Variants in WASHC2C observed in about 807,000 individuals in gnomAD.
WASHC2C encodes Vaccinia Penetration Factor.
A neutral mutation model predicts 142.2 loss-of-function variants in WASHC2C; 73 were observed. The observed-to-expected ratio is 0.51, with a 90% CI of 0.43 to 0.62. The LOEUF (loss-of-function observed/expected upper bound fraction) is 0.62. Ranked by LOEUF, WASHC2C falls within the 20% of genes least tolerant of loss-of-function variation. The pLI is 0.00. For missense variants in WASHC2C, 969 were observed against 1,531.7 expected, an observed-to-expected ratio of 0.63 and a Z score of 6.13; for synonymous variants, 337 against 565.5, an observed-to-expected ratio of 0.60 and a Z score of 5.73.
chr10:45,737,796 G>A (rs1278954216), intron 3 of WASHC2C, among the ~76,000 whole-genome samples, 187 bp from the exon 4 acceptor site: 1 of 137,662 alleles, frequency 7.3e-6, no homozygotes, highest in African/African-American at 2.7e-5. Context: ...TTTGGTGAAT[G>A]GACTATTCTT....
intron 22 of WASHC2C, 42 bp downstream of exon 22, chr10:45,777,467 G>A (rs376457026): frequency 2.5e-4 from 397 of 1,612,548 alleles, no homozygotes; most frequent in East Asian, 1.5e-3. Context: ...TTTGTCTCTC[G>A]TATGTTGTTT....
intron 28 of WASHC2C, among the ~76,000 whole-genome samples, chr10:45,788,538 G>A (rs1238767365): frequency 2.0e-5 from 3 of 151,636 alleles, no homozygotes; most frequent in African/African-American, 4.8e-5. Context: ...CAAGGGAGGG[G>A]TTGTGAGACA....
At chr10:45,733,885 C>T (rs2050897008) in intron 3 of WASHC2C, among the ~76,000 whole-genome samples, 1 of 152,118 alleles carries the variant, frequency 6.6e-6, no homozygotes, top group Non-Finnish European at 1.5e-5. Flanking sequence ...CAACGTTTAG[C>T]ACATATATTC....
chr10:45,785,603 A>G lies in WASHC2C; in HGVS notation c.2783A>G (p.Lys928Arg), dbSNP rs1554889743. 24 of 1,613,960 alleles carry G rather than the reference A, an allele frequency of 1.5e-5. No individual in the cohort carries two copies. In the South Asian group the frequency reaches 2.0e-4, roughly 13 times the overall value. ...GAATCCATTCAAGGTAGTAAAGAAA[A>G]AGGCATATGGAAGCCGGAAACACCT... ...HPESIQGSKE[K>R]GIWKPETPQD... The change falls in exon 26 of 31, where the codon AAA becomes AGA. Residue 928 changes from lysine (K) to arginine (R), a missense_variant. Transcript: ENST00000623400.
intron 13 of WASHC2C, among the ~76,000 whole-genome samples, chr10:45,753,568 A>G (rs1273104233): frequency 8.5e-5 from 12 of 141,328 alleles, no homozygotes; most frequent in Admixed American, 3.5e-4. Flanking sequence ...CATTCTGTAT[A>G]TAAGTTGGAG....
chr10:45,769,590 G>A lies in WASHC2C; in HGVS notation c.2011G>A (p.Asp671Asn), dbSNP rs1554883842. Residue 671 changes from aspartate (D) to asparagine (N), a missense_variant, in exon 20 of 31, where the codon GAT (aspartate) becomes AAT (asparagine). Physicochemically the swap from Asp to Asn is conservative, Grantham distance 23. Transcript: ENST00000623400. Reference sequence around the variant, plus strand: ...CAGTCTCTTTGAGGAAGACAAAGAAGATGATCTTTTTGCCATTGCCAAGGA... The same window carrying A: ...CAGTCTCTTTGAGGAAGACAAAGAAAATGATCTTTTTGCCATTGCCAAGGA... ...KTSLFEEDKE[D>N]DLFAIAKDSQ... 6.2e-7 allele frequency: 1 copy of A among 1,611,944 alleles called. No individual in the cohort carries two copies. Among genetic ancestry groups the A allele is most frequent in the East Asian group, 2.2e-5 (1 of 44,858 alleles).
intron 4 of WASHC2C, among the ~76,000 whole-genome samples, chr10:45,738,876 T>C (rs2134224481): frequency 6.6e-6 from 1 of 152,246 alleles, no homozygotes; most frequent in Non-Finnish European, 1.5e-5. Context: ...GGCTAATTTT[T>C]TTGTATTTAT....
At chr10:45,744,345 A>G (rs1250565198) in intron 6 of WASHC2C, among the ~76,000 whole-genome samples, 1 of 147,630 alleles carries the variant, frequency 6.8e-6, no homozygotes, top group Non-Finnish European at 1.5e-5. Flanking sequence ...TTGTATAATC[A>G]CAGTAGAATT....
At chr10:45,769,864 T>C (rs1348102792) in intron 20 of WASHC2C, among the ~76,000 whole-genome samples, 1 of 151,592 alleles carries the variant, frequency 6.6e-6, no homozygotes, top group African/African-American at 2.4e-5. Context: ...TTTTTCTTTG[T>C]TTGTCAGGGA....
At chr10:45,784,240 A>ATATG (rs1564818755) in intron 23 of WASHC2C, among the ~76,000 whole-genome samples, 2 of 109,856 alleles carry the variant, frequency 1.8e-5, no homozygotes. Flanking sequence ...ATATATATAT[A>ATATG]TGTGTGTGTG....
At chr10:45,780,848 G>A (rs557255618) in intron 23 of WASHC2C, among the ~76,000 whole-genome samples, 2 of 151,578 alleles carry the variant, frequency 1.3e-5, no homozygotes, top group African/African-American at 2.4e-5. Flanking sequence ...TTGCCTCCCG[G>A]GTTCAAGCGA....
intron 30 of WASHC2C, among the ~76,000 whole-genome samples, chr10:45,791,552 T>A (rs2058393608): frequency 6.8e-6 from 1 of 146,014 alleles, no homozygotes; most frequent in African/African-American, 2.5e-5. Flanking sequence ...AGAGATCTCC[T>A]TCCTTGTTTT....
rs1564747647 is a variant in WASHC2C at position 45,755,034 on chromosome 10, C to T, written c.1339C>T (p.Pro447Ser). ...TPRKSPYGPP[P>S]TGLFDDDDGD... ...AAGGAAAAGCCCCTATGGTCCCCCT[C>T]CCACTGGCCTCTTTGATGATGATGA... The change falls in exon 15 of 31, where the codon CCC becomes TCC. Residue 447 changes from proline (P) to serine (S), a missense_variant. By Grantham distance (74) the Pro-to-Ser change is moderately conservative. Transcript: ENST00000623400. 6.2e-7 allele frequency: 1 copy of T among 1,611,928 alleles called. No individual in the cohort carries two copies. Among genetic ancestry groups the T allele is most frequent in the Non-Finnish European group, 8.5e-7 (1 of 1,179,856 alleles).
intron 26 of WASHC2C, 77 bp from the exon 27 acceptor site, chr10:45,786,535 G>C: frequency 6.6e-7 from 1 of 1,505,256 alleles, no homozygotes; most frequent in Non-Finnish European, 9.2e-7. Flanking sequence ...CTCCATCACA[G>C]ATTTATTTAC....
Position 45,785,590 on chromosome 10 carries a change from G to T in WASHC2C, c.2770G>T (p.Gly924Cys), listed in dbSNP as rs1564824506. 4.3e-6 allele frequency: 7 copies of T among 1,613,874 alleles called. No homozygotes were observed. The highest frequency in any genetic ancestry group is 5.1e-6 in the Non-Finnish European group (6 of 1,179,848). The change falls in exon 26 of 31, where the codon GGT becomes TGT. Residue 924 changes from glycine (G) to cysteine (C), a missense_variant. Transcript: ENST00000623400. ...KNQKHPESIQ[G>C]SKEKGIWKPE... is the part of the protein sequence containing the mutation. ...CCAGAAACATCCTGAATCCATTCAA[G>T]GTAGTAAAGAAAAAGGCATATGGAA...
chr10:45,785,692 A>G, intron 26 of WASHC2C, 61 bp downstream of exon 26: 2 of 1,610,962 alleles, frequency 1.2e-6, no homozygotes, highest in South Asian at 1.1e-5. Flanking sequence ...GAGAAATTCC[A>G]TTATGCAGAC....
intron 8 of WASHC2C, among the ~76,000 whole-genome samples, chr10:45,748,997 T>C (rs2053199406): frequency 6.6e-6 from 1 of 152,218 alleles, no homozygotes; most frequent in Admixed American, 6.5e-5. Flanking sequence ...ATCCTGGATT[T>C]GTTATTCTGC....
At chr10:45,784,293 C>CATATATATATAT (rs1286811903) in intron 23 of WASHC2C, among the ~76,000 whole-genome samples, 69 of 63,620 alleles carry the variant, frequency 1.1e-3, no homozygotes, top group East Asian at 0.011. Flanking sequence ...TATATATACA[C>CATATATATATAT]ATATATATAT....
At position 45,727,433 on chromosome 10, in the gene WASHC2C, C is replaced by T; in HGVS notation, c.20C>T (p.Pro7Leu). 1 of 1,611,488 alleles carries T rather than the reference C, an allele frequency of 6.2e-7. No individual in the cohort carries two copies. Among genetic ancestry groups the T allele is most frequent in the Non-Finnish European group, 8.5e-7 (1 of 1,179,478 alleles). ...TCGCTGCAGATGAACCGGACGACCC[C>T]CGACCAGGAGCTGGTGCCGGCGTCG... Reference protein sequence around the residue: MMNRTTPDQELVPASEP... With the variant: MMNRTTLDQELVPASEP... The change falls in exon 2 of 31, where the codon CCC becomes CTC. Residue 7 changes from proline (P) to leucine (L), a missense_variant. Coordinates refer to ENST00000623400, the MANE Select transcript of WASHC2C (RefSeq NM_001330074.2).
Sources: gnomAD v4.1 joint callset for allele counts (sites outside exome capture counted in the v4.1 genomes callset) on GRCh38, gnomAD v4.1.1 for gene constraint, MANE v1.5 for transcripts, NCBI Gene and HGNC (gene_info 2026-07-23, HGNC 2026-07-21) for gene names.